Variants in PDE8B observed in about 807,000 individuals in gnomAD.
The protein encoded by PDE8B is phosphodiesterase 8B.
Under a neutral mutation model 101.3 loss-of-function variants are expected in PDE8B, and 26 were observed. That is an observed-to-expected ratio of 0.26 (90% confidence interval 0.19 to 0.36). The LOEUF (loss-of-function observed/expected upper bound fraction) is 0.36, where lower values mean the gene tolerates loss of function less well. Ranked by LOEUF, PDE8B falls within the 10% of genes least tolerant of loss-of-function variation. PDE8B has a pLI of 1.00. For synonymous variants in PDE8B, 424 were observed against 429.3 expected (o/e 0.99, Z 0.15); for missense variants, 810 against 1,163.1 (o/e 0.70, Z 4.42).
chr5:77,309,732 G>T (rs1046527981), intron 1 of PDE8B, among the ~76,000 whole-genome samples: 1 of 151,714 alleles, frequency 6.6e-6, no homozygotes, highest in Admixed American at 6.6e-5. Context: ...CCATTCTCCT[G>T]CCTCAGCCTC....
chr5:77,205,287 T>G, the PDE8B span, among the ~76,000 whole-genome samples: 10 of 152,242 alleles, frequency 6.6e-5, no homozygotes, highest in African/African-American at 2.4e-4. Context: ...TTAGTTTCAC[T>G]TGGCCTATGG....
chr5:77,418,839 G>A (rs868625889), intron 18 of PDE8B, among the ~76,000 whole-genome samples: 7 of 152,142 alleles, frequency 4.6e-5, no homozygotes. Context: ...GTCCCACAGA[G>A]CGGGAGCACG....
At chr5:77,220,900 G>A (rs1750958880) in intron 1 of PDE8B, among the ~76,000 whole-genome samples, 1 of 152,166 alleles carries the variant, frequency 6.6e-6, no homozygotes, top group African/African-American at 2.4e-5. Context: ...AGGAAGTGGA[G>A]GCACAGGCGG....
chr5:77,365,541 G>C (rs1441131910), intron 10 of PDE8B, among the ~76,000 whole-genome samples: 2 of 152,146 alleles, frequency 1.3e-5, no homozygotes, highest in Non-Finnish European at 2.9e-5. Context: ...TCTTATATCT[G>C]TCTCCTAGGT....
intron 5 of PDE8B, among the ~76,000 whole-genome samples, chr5:77,332,983 A>AAAAT (rs148476220): frequency 6.6e-5 from 10 of 150,782 alleles, no homozygotes; most frequent in East Asian, 1.9e-4. Context: ...CTGGCTTAAA[A>AAAAT]ATATATATAT....
intron 1 of PDE8B, among the ~76,000 whole-genome samples, chr5:77,225,354 C>A (rs1752100707): frequency 6.6e-6 from 1 of 152,126 alleles, no homozygotes; most frequent in Non-Finnish European, 1.5e-5. Context: ...TGTCATAGTC[C>A]ATTGCAGTTA....
At chr5:77,171,974 C>A in the PDE8B span, among the ~76,000 whole-genome samples, 1 of 152,134 alleles carries the variant, frequency 6.6e-6, no homozygotes, top group Admixed American at 6.5e-5. Context: ...AGAGCCTATC[C>A]AGCACAATCC....
intron 1 of PDE8B, among the ~76,000 whole-genome samples, 195 bp from the exon 2 acceptor site, chr5:77,311,799 A>T (rs1331845747): frequency 1.0e-5 from 1 of 96,148 alleles, no homozygotes; most frequent in African/African-American, 5.0e-5. Context: ...ATATAAATGG[A>T]TACTTTTTTT....
At chr5:77,326,229 A>C (rs943557084) in intron 3 of PDE8B, among the ~76,000 whole-genome samples, 1 of 152,204 alleles carries the variant, frequency 6.6e-6, no homozygotes, top group Non-Finnish European at 1.5e-5. Context: ...CCAGGGACCA[A>C]AACCCCCTGC....
At chr5:77,191,737 G>A in the PDE8B span, among the ~76,000 whole-genome samples, 20 of 152,284 alleles carry the variant, frequency 1.3e-4, no homozygotes, top group East Asian at 9.6e-4. Flanking sequence ...TCCACAGATC[G>A]AAGGTGGGGA....
chr5:77,345,377 C>G (rs1459287560), intron 7 of PDE8B, among the ~76,000 whole-genome samples: 16 of 152,166 alleles, frequency 1.1e-4, no homozygotes, highest in Admixed American at 9.8e-4. Context: ...CCAGGCTGGT[C>G]TCAAACTCCT....
the PDE8B span, chr5:77,148,477 C>A: frequency 6.6e-6 from 1 of 152,160 alleles, no homozygotes; most frequent in East Asian, 1.9e-4. Flanking sequence ...ATGAACGGGC[C>A]ATTTTACGTT....
rs771818778 is a variant in PDE8B, at chr5:77,337,301, C to T, written c.783C>T (p.Ser261=). 6 of 1,568,496 alleles carry T rather than the reference C, an allele frequency of 3.8e-6. No homozygotes were observed. The Admixed American group carries it at 1.0e-4, about 26-fold the overall frequency. ...LIQIEHGEVR[S]QFKLRACNSV... is the part of the protein sequence containing the mutation. Reference sequence around the variant, plus strand: ...AAATAGAACATGGGGAAGTTCGCTCCCAGTTCAAATTACGGTATGTAGCAA... The same window carrying T: ...AAATAGAACATGGGGAAGTTCGCTCTCAGTTCAAATTACGGTATGTAGCAA... The change falls in exon 6 of 22, where the codon TCC becomes TCT. Residue 261 remains serine, a synonymous_variant. Transcript: ENST00000264917.
At chr5:77,197,284 A>ATTT in the PDE8B span, among the ~76,000 whole-genome samples, 1 of 146,996 alleles carries the variant, frequency 6.8e-6, no homozygotes, top group Non-Finnish European at 1.5e-5. Flanking sequence ...GCTAATTTAA[A>ATTT]TTTTTTTTTT....
the PDE8B span, among the ~76,000 whole-genome samples, chr5:77,107,392 C>G: frequency 1.2e-4 from 18 of 152,114 alleles, no homozygotes. Flanking sequence ...CTAAATTCAA[C>G]TTTTTCATTC....
At chr5:77,381,923 A>G (rs1787550577) in intron 10 of PDE8B, among the ~76,000 whole-genome samples, 1 of 152,184 alleles carries the variant, frequency 6.6e-6, no homozygotes, top group Non-Finnish European at 1.5e-5. Flanking sequence ...GCAGTGTATT[A>G]TCTTATGCCC....
the PDE8B span, among the ~76,000 whole-genome samples, chr5:77,149,982 G>A: frequency 6.6e-6 from 1 of 152,016 alleles, no homozygotes; most frequent in African/African-American, 2.4e-5. Flanking sequence ...CCCTACATTC[G>A]GACACAATAT....
chr5:77,354,905 A>C (rs1781797513), intron 10 of PDE8B, among the ~76,000 whole-genome samples: 1 of 152,126 alleles, frequency 6.6e-6, no homozygotes, highest in African/African-American at 2.4e-5. Context: ...CCCCTGAGGT[A>C]CCCTCTTTGC....
rs774186250 is a variant in PDE8B at position 77,411,679 on chromosome 5, G to T, written c.1534G>T (p.Gly512Cys). 2.0e-5 allele frequency: 32 copies of T among 1,610,224 alleles called. No homozygotes were observed. The highest frequency in any genetic ancestry group is 2.6e-5 in the Non-Finnish European group (31 of 1,176,704). Reference sequence around the variant, plus strand: ...ACAGGCTCTTCCTTTATTCCAGGACGGCTTGAGAAGACTGTCAGGAAACGA... The same window carrying T: ...ACAGGCTCTTCCTTTATTCCAGGACTGCTTGAGAAGACTGTCAGGAAACGA... ...SDLVGGLMTD[G>C]LRRLSGNEYV... is the part of the protein sequence containing the mutation. The change falls in exon 15 of 22, where the codon GGC becomes TGC. Residue 512 changes from glycine (G) to cysteine (C), a missense_variant. Gly to Cys is a radical substitution (Grantham distance 159). This residue lies in a region of PDE8B where 325 missense variants were observed against 560.9 expected (regional missense o/e 0.58). Transcript: ENST00000264917.
Sources: gnomAD v4.1 joint callset for allele counts (sites outside exome capture counted in the v4.1 genomes callset) on GRCh38, gnomAD v4.1.1 for gene constraint, gnomAD v4.1.1 regional missense constraint, MANE v1.5 for transcripts, NCBI Gene and HGNC (gene_info 2026-07-23, HGNC 2026-07-21) for gene names.